Variants in PRKCA observed in about 807,000 individuals in gnomAD.
PRKCA encodes the protein protein kinase C alpha.
In PRKCA, 27 loss-of-function variants were observed where a neutral mutation model predicts 87.0. The observed-to-expected ratio is 0.31, with a 90% CI of 0.23 to 0.43. PRKCA has a LOEUF of 0.43. Ranked by LOEUF, PRKCA falls within the 20% of genes least tolerant of loss-of-function variation. The pLI, the probability that PRKCA is intolerant of heterozygous loss-of-function variation, is 1.00. For synonymous variants in PRKCA, 329 were observed against 311.1 expected, an observed-to-expected ratio of 1.06 and a Z score of -0.61; for missense variants, 518 against 852.3, an observed-to-expected ratio of 0.61 and a Z score of 4.88.
intron 14 of PRKCA, among the ~76,000 whole-genome samples, chr17:66,780,459 G>A (rs987202185): frequency 2.6e-5 from 4 of 152,106 alleles, no homozygotes; most frequent in African/African-American, 9.7e-5. Flanking sequence ...GGTGGATCAC[G>A]AGGTCAGGAG....
chr17:66,755,718 AG>A (rs958567208), intron 13 of PRKCA, among the ~76,000 whole-genome samples: 7 of 152,168 alleles, frequency 4.6e-5, no homozygotes, highest in African/African-American at 1.7e-4. Context: ...CCAGCATGTT[AG>A]GAGCTTAGAC....
At chr17:66,421,371 A>G (rs1005208329) in intron 2 of PRKCA, among the ~76,000 whole-genome samples, 2 of 149,264 alleles carry the variant, frequency 1.3e-5, no homozygotes, top group Non-Finnish European at 3.0e-5. Context: ...TTTCCCTTTG[A>G]CCACTTACCT....
At chr17:66,760,296 T>C (rs2144293434) in intron 13 of PRKCA, among the ~76,000 whole-genome samples, 1 of 152,306 alleles carries the variant, frequency 6.6e-6, no homozygotes, top group South Asian at 2.1e-4. Context: ...AAAGAACCCT[T>C]CTAAATAGTG....
intron 2 of PRKCA, among the ~76,000 whole-genome samples, chr17:66,355,567 T>C (rs1908000001): frequency 6.6e-6 from 1 of 152,190 alleles, no homozygotes; most frequent in African/African-American, 2.4e-5. Flanking sequence ...GTGGCTGCCA[T>C]CATCATTTCG....
intron 2 of PRKCA, among the ~76,000 whole-genome samples, chr17:66,363,729 G>GTC (rs1416952689): frequency 6.6e-6 from 1 of 152,112 alleles, no homozygotes; most frequent in African/African-American, 2.4e-5. Flanking sequence ...TTGAGACGGA[G>GTC]TCTCACCCTG....
intron 3 of PRKCA, among the ~76,000 whole-genome samples, chr17:66,585,067 G>C (rs866396290): frequency 2.2e-4 from 14 of 62,228 alleles, no homozygotes; most frequent in East Asian, 6.9e-4. Flanking sequence ...TGCATGGGGA[G>C]GGGGGGGTGG....
At chr17:66,490,265 C>T (rs759039300) in intron 2 of PRKCA, among the ~76,000 whole-genome samples, 1 of 151,996 alleles carries the variant, frequency 6.6e-6, no homozygotes, top group Non-Finnish European at 1.5e-5. Flanking sequence ...ACCATTTTAA[C>T]CATTTTAAAT....
chr17:66,794,751 G>A (rs1056385926), intron 16 of PRKCA, among the ~76,000 whole-genome samples: 4 of 151,816 alleles, frequency 2.6e-5, no homozygotes, highest in African/African-American at 4.8e-5. Context: ...CTCCTGAGTA[G>A]CTGGGATTGC....
rs1162435020 is a variant in PRKCA at position 66,554,064 on chromosome 17, T to G, written c.288+57781T>G. ...AAGTGAAGAACTGGGCACCAGACAT[T>G]GGCATGAAGAGAAAGAAGACACCTG... On this transcript the variant is annotated intron_variant, in intron 3 of 16. Transcript: ENST00000413366. Among the ~76,000 whole-genome samples, 4 of 152,194 alleles carry G rather than the reference T, an allele frequency of 2.6e-5. No individual in the cohort carries two copies. The South Asian group carries it at 8.3e-4, about 32-fold the overall frequency.
At chr17:66,542,560 A>G (rs553705420) in intron 3 of PRKCA, among the ~76,000 whole-genome samples, 1 of 152,186 alleles carries the variant, frequency 6.6e-6, no homozygotes, top group South Asian at 2.1e-4. Flanking sequence ...GAGACACAAT[A>G]GTCCCAAGTA....
chr17:66,719,762 G>A (rs546677762), intron 8 of PRKCA, among the ~76,000 whole-genome samples: 19 of 152,300 alleles, frequency 1.2e-4, no homozygotes, highest in South Asian at 2.1e-4. Context: ...GCGAGACTCC[G>A]TCTCAAAAAT....
At chr17:66,645,035 G>A (rs1971415028) in intron 4 of PRKCA, among the ~76,000 whole-genome samples, 1 of 151,664 alleles carries the variant, frequency 6.6e-6, no homozygotes, top group African/African-American at 2.4e-5. Flanking sequence ...ATATTATTTT[G>A]CCTCTGTGTA....
At chr17:66,611,520 A>T (rs977378519) in intron 3 of PRKCA, among the ~76,000 whole-genome samples, 2 of 152,164 alleles carry the variant, frequency 1.3e-5, no homozygotes, top group Non-Finnish European at 2.9e-5. Flanking sequence ...ATAGTGCTTC[A>T]TTGTTTTAAT....
intron 2 of PRKCA, among the ~76,000 whole-genome samples, chr17:66,419,969 A>C (rs892190343): frequency 6.6e-6 from 1 of 150,884 alleles, no homozygotes; most frequent in African/African-American, 2.4e-5. Context: ...GTGTTTGTTG[A>C]AGGGGTAAAC....
rs146536979 is a variant in PRKCA, at chr17:66,456,225, C to T, written c.206-39976C>T. On this transcript the variant is annotated intron_variant, in intron 2 of 16. Transcript: ENST00000413366. ...GCCTTGATTCCAGACTTTTGTCCTC[C>T]AGTAGCAATTCTGAGAATAGATTCC... is the stretch of plus-strand genomic sequence containing the variant. 5.2e-3 allele frequency among the ~76,000 whole-genome samples: 795 copies of T among 152,274 alleles called. 6 individuals are homozygous for T. The highest frequency in any genetic ancestry group is 0.018 in the African/African-American group (745 of 41,564).
At chr17:66,632,029 C>T (rs1486147388) in intron 3 of PRKCA, among the ~76,000 whole-genome samples, 2 of 152,052 alleles carry the variant, frequency 1.3e-5, no homozygotes, top group African/African-American at 2.4e-5. Context: ...ATATAGACAC[C>T]TTCTTCTGCA....
At chr17:66,372,771 A>C (rs1406780567) in intron 2 of PRKCA, among the ~76,000 whole-genome samples, 5 of 152,160 alleles carry the variant, frequency 3.3e-5, no homozygotes, top group African/African-American at 1.2e-4. Flanking sequence ...CTAAAAGGGC[A>C]ACAGGCCAGG....
intron 14 of PRKCA, chr17:66,778,024 G>A (rs1975102724): frequency 7.1e-6 from 7 of 985,432 alleles, no homozygotes; most frequent in Non-Finnish European, 8.4e-6. Flanking sequence ...GACCTCATTT[G>A]CAAATTGGCC....
intron 5 of PRKCA, chr17:66,676,279 C>G (rs1174745434): frequency 1.3e-5 from 2 of 152,658 alleles, no homozygotes; most frequent in East Asian, 3.8e-4. Flanking sequence ...TGCGGCTGAG[C>G]TGGTGGGGTG....
Sources: allele counts gnomAD v4.1 joint callset (sites outside exome capture counted in the v4.1 genomes callset), GRCh38; gene constraint gnomAD v4.1.1; transcripts MANE v1.5; gene names NCBI Gene and HGNC (gene_info 2026-07-23, HGNC 2026-07-21).